LIPC: variants seen among roughly 807,000 people sequenced by gnomAD.
The protein encoded by LIPC is hepatic triacylglycerol lipase.
In LIPC, 44 loss-of-function variants were observed where a neutral mutation model predicts 50.7. The ratio of observed to expected loss-of-function variants is 0.87; its 90% CI spans 0.68 to 1.11. LIPC has a LOEUF of 1.11. Among genes scored for constraint, LIPC ranks in the 50% most tolerant of loss-of-function variants. The pLI, the probability that LIPC is intolerant of heterozygous loss-of-function variation, is 0.00. For synonymous variants in LIPC, 271 were observed against 256.4 expected (o/e 1.06, Z -0.54); for missense variants, 697 against 648.2 (o/e 1.08, Z -0.82).
chr15:58,433,015 C>T (rs1302966831), intron 1 of LIPC, among the ~76,000 whole-genome samples: 1 of 152,194 alleles, frequency 6.6e-6, no homozygotes, highest in Non-Finnish European at 1.5e-5. Flanking sequence ...AAGGCTGTTC[C>T]TTTGTATTTG....
At chr15:58,456,638 C>A (rs78709599) in intron 1 of LIPC, among the ~76,000 whole-genome samples, 1,923 of 152,344 alleles carry the variant, frequency 0.013, 44 homozygotes, top group African/African-American at 0.044. Context: ...CTCCTGCCCC[C>A]ATGGGCCTAA....
At chr15:58,545,719 C>G (rs780165647) in intron 4 of LIPC, 23 bp from the exon 5 acceptor site, 34 of 1,606,362 alleles carry the variant, frequency 2.1e-5, no homozygotes, top group Non-Finnish European at 2.9e-5. Context: ...CCTGCGTAAC[C>G]CTTACCCCTG....
chr15:58,534,736 C>G (rs1452105396), intron 1 of LIPC, among the ~76,000 whole-genome samples: 2 of 152,166 alleles, frequency 1.3e-5, no homozygotes, highest in Non-Finnish European at 2.9e-5. Flanking sequence ...CAAAAAGAAG[C>G]TCAGAAAAAA....
intron 1 of LIPC, among the ~76,000 whole-genome samples, chr15:58,505,943 C>T (rs1892133092): frequency 6.6e-6 from 1 of 152,298 alleles, no homozygotes; most frequent in Non-Finnish European, 1.5e-5. Context: ...TCACAAGAGG[C>T]GGCTGTTGCC....
chr15:58,450,157 T>C (rs1893850172), intron 1 of LIPC, among the ~76,000 whole-genome samples: 1 of 152,224 alleles, frequency 6.6e-6, no homozygotes, highest in Admixed American at 6.5e-5. Context: ...TTGTCCCCTT[T>C]GCCTCTTCTG....
chr15:58,546,424 C>A (rs1483160708), intron 5 of LIPC, among the ~76,000 whole-genome samples: 1 of 152,182 alleles, frequency 6.6e-6, no homozygotes, highest in Non-Finnish European at 1.5e-5. Flanking sequence ...TCTCACTCTT[C>A]ATCCCACCCC....
At chr15:58,530,916 A>G (rs540630795) in intron 1 of LIPC, among the ~76,000 whole-genome samples, 2 of 152,306 alleles carry the variant, frequency 1.3e-5, no homozygotes, top group African/African-American at 2.4e-5. Flanking sequence ...ACCAGTTGAT[A>G]GATATTTGGG....
intron 6 of LIPC, among the ~76,000 whole-genome samples, chr15:58,553,920 C>G (rs184952550): frequency 1.3e-5 from 2 of 151,914 alleles, no homozygotes; most frequent in East Asian, 3.9e-4. Context: ...GGTCTAGGAA[C>G]AAGCCCTCTG....
Position 58,488,430 on chromosome 15 carries a change from C to T in LIPC, c.89-49903C>T, listed in dbSNP as rs370510223. Among the ~76,000 whole-genome samples, 7 of 152,232 alleles carry T rather than the reference C, an allele frequency of 4.6e-5. No homozygotes were observed. The East Asian group carries it at 7.7e-4, about 17-fold the overall frequency. On this transcript the variant is annotated intron_variant, in intron 1 of 8. Coordinates refer to ENST00000299022, the MANE Select transcript of LIPC (RefSeq NM_000236.3). ...CAGCTATGTATCAATCCCTGTTAGG[C>T]ACTAGGCACTGTGCTAGGTGTTTGG...
At chr15:58,562,805 AC>A (rs10684025) in intron 7 of LIPC, among the ~76,000 whole-genome samples, 2,409 of 141,508 alleles carry the variant, frequency 0.017, 83 homozygotes, top group African/African-American at 0.061. Context: ...CACACAAGGG[AC>A]CCCCCCCCAA....
chr15:58,560,830 A>C (rs1722852735), intron 6 of LIPC, 34 bp from the exon 7 acceptor site: 2 of 862,110 alleles, frequency 2.3e-6, no homozygotes, highest in Admixed American at 3.5e-5. Flanking sequence ...TGCTTAAATT[A>C]TCTCTCTCTT....
At chr15:58,506,519 A>G (rs1892153099) in intron 1 of LIPC, among the ~76,000 whole-genome samples, 1 of 152,174 alleles carries the variant, frequency 6.6e-6, no homozygotes, top group African/African-American at 2.4e-5. Flanking sequence ...CACTCTGCCT[A>G]TTCCCTATCC....
intron 1 of LIPC, among the ~76,000 whole-genome samples, chr15:58,512,438 T>C (rs1314979976): frequency 6.6e-6 from 1 of 152,180 alleles, no homozygotes; most frequent in African/African-American, 2.4e-5. Flanking sequence ...TTTATTTTGC[T>C]TTTTAAGACA....
intron 1 of LIPC, among the ~76,000 whole-genome samples, chr15:58,467,722 C>A (rs1404147897): frequency 6.6e-6 from 1 of 152,156 alleles, no homozygotes; most frequent in African/African-American, 2.4e-5. Context: ...TTGGAAACTT[C>A]CCACTCTGCT....
At chr15:58,559,552 A>G (rs1894078256) in intron 6 of LIPC, among the ~76,000 whole-genome samples, 2 of 152,188 alleles carry the variant, frequency 1.3e-5, no homozygotes. Flanking sequence ...AATGGAATTA[A>G]CATGCCGTAT....
chr15:58,492,909 T>C (rs1891633980), intron 1 of LIPC, among the ~76,000 whole-genome samples: 1 of 152,080 alleles, frequency 6.6e-6, no homozygotes, highest in African/African-American at 2.4e-5. Context: ...ATCTGCAGGA[T>C]TACATCAGAG....
At chr15:58,494,758 T>C in intron 1 of LIPC, 1 of 456,256 alleles carries the variant, frequency 2.2e-6, no homozygotes, top group South Asian at 1.5e-5. Context: ...AACTGATTTA[T>C]AGTTAGCTTT....
At chr15:58,488,744 G>A (rs1445072624) in intron 1 of LIPC, among the ~76,000 whole-genome samples, 1 of 152,126 alleles carries the variant, frequency 6.6e-6, no homozygotes, top group Non-Finnish European at 1.5e-5. Context: ...AAAAAGAATT[G>A]TACAGATGAG....
chr15:58,515,083 T>C (rs1483678867), intron 1 of LIPC, among the ~76,000 whole-genome samples: 1 of 152,170 alleles, frequency 6.6e-6, no homozygotes, highest in South Asian at 2.1e-4. Flanking sequence ...GCCAGCAGCA[T>C]AGCATCTTCC....
Sources: gnomAD v4.1 joint callset for allele counts (sites outside exome capture counted in the v4.1 genomes callset) on GRCh38, gnomAD v4.1.1 for gene constraint, MANE v1.5 for transcripts, NCBI Gene and HGNC (gene_info 2026-07-23, HGNC 2026-07-21) for gene names.